The following TMEM117 variants were observed in gnomAD, a reference collection of about 807,000 sequenced individuals.
TMEM117 encodes transmembrane protein 117.
A neutral mutation model predicts 52.4 loss-of-function variants in TMEM117; 27 were observed. The observed-to-expected ratio is 0.51, with a 90% CI of 0.38 to 0.71. TMEM117 has a LOEUF of 0.71. TMEM117 is among the 30% of genes least tolerant of loss of function. The probability of loss-of-function intolerance (pLI) is 0.00; values close to 1 mark genes in which losing one functional copy is unlikely to be tolerated. For missense variants in TMEM117, 556 were observed against 630.5 expected (o/e 0.88, Z 1.26); for synonymous variants, 215 against 206.3 (o/e 1.04, Z -0.36).
At chr12:44,197,899 A>C (rs2138360403) in intron 4 of TMEM117, among the ~76,000 whole-genome samples, 1 of 152,342 alleles carries the variant, frequency 6.6e-6, no homozygotes. Context: ...AAGATGCATT[A>C]ATATTCATGC....
chr12:44,174,289 C>T (rs977760802), intron 4 of TMEM117, among the ~76,000 whole-genome samples: 10 of 152,122 alleles, frequency 6.6e-5, no homozygotes, highest in Non-Finnish European at 1.5e-5. Context: ...TACTGGAACA[C>T]AGCCACAATC....
rs1946346537 is a variant in TMEM117 at position 44,014,662 on chromosome 12, T to A, written c.410+70320T>A. ...ACAGGTGGTGTACTCTCTTGTACTA[T>A]ATGGTTAATCACCTAGATGTAGCAA... On this transcript the variant is annotated intron_variant, in intron 3 of 7. Coordinates refer to ENST00000266534, the MANE Select transcript of TMEM117 (RefSeq NM_032256.3). Among the ~76,000 whole-genome samples, 4 of 152,206 alleles carry A rather than the reference T, an allele frequency of 2.6e-5. No homozygotes were observed. In the South Asian group the frequency reaches 6.2e-4, roughly 24 times the overall value.
intron 6 of TMEM117, among the ~76,000 whole-genome samples, chr12:44,339,385 A>G (rs1379694323): frequency 6.6e-6 from 1 of 151,930 alleles, no homozygotes; most frequent in East Asian, 1.9e-4. Flanking sequence ...AACATCCACC[A>G]TATTATATTC....
chr12:44,175,293 G>A (rs928534781), intron 4 of TMEM117, among the ~76,000 whole-genome samples: 3 of 152,112 alleles, frequency 2.0e-5, no homozygotes, highest in Non-Finnish European at 2.9e-5. Context: ...TTGAGCTGGC[G>A]AGATTTCGTG....
At chr12:44,263,740 A>G (rs1201443287) in intron 5 of TMEM117, 1 of 152,222 alleles carries the variant, frequency 6.6e-6, no homozygotes, top group Non-Finnish European at 1.5e-5. Flanking sequence ...ATCTGCCATA[A>G]TAATGCTACA....
At chr12:44,138,709 G>A (rs1948527891) in intron 3 of TMEM117, among the ~76,000 whole-genome samples, 1 of 152,102 alleles carries the variant, frequency 6.6e-6, no homozygotes, top group South Asian at 2.1e-4. Flanking sequence ...CATTCCAGGG[G>A]ATCTTGCCCC....
chr12:44,048,956 T>A (rs60979741), intron 3 of TMEM117, among the ~76,000 whole-genome samples: 4,355 of 152,322 alleles, frequency 0.029, 138 homozygotes, highest in African/African-American at 0.077. Flanking sequence ...ACTACTTTTT[T>A]ATATTTATAT....
intron 4 of TMEM117, among the ~76,000 whole-genome samples, chr12:44,152,002 TATAATATATATTATATATTTA>T (rs1330435668): frequency 8.2e-6 from 1 of 122,518 alleles, no homozygotes; most frequent in Non-Finnish European, 1.6e-5. Context: ...TTATTATAAA[TATAATATATATTATATATTTA>T]AATATGTAAT....
chr12:44,172,747 C>T (rs1949064686), intron 4 of TMEM117, among the ~76,000 whole-genome samples: 2 of 152,022 alleles, frequency 1.3e-5, no homozygotes, highest in African/African-American at 2.4e-5. Context: ...TTTTTTGAGA[C>T]TGAGTTTCGC....
At position 44,242,922 on chromosome 12, in the gene TMEM117, C is replaced by T. The variant is rs117531745; in HGVS notation, c.608+31535C>T. ...CCTTTTTTGTGCAACCTCGTGAGCACGTGTTGTTTACTTTTTATTAACAGC... is the reference window on the plus strand; with the variant it reads ...CCTTTTTTGTGCAACCTCGTGAGCATGTGTTGTTTACTTTTTATTAACAGC... On this transcript the variant is annotated intron_variant, in intron 5 of 7. Transcript: ENST00000266534. Among the ~76,000 whole-genome samples, 360 of 151,656 alleles carry T rather than the reference C, an allele frequency of 2.4e-3. 12 individuals carry two copies. In the East Asian group the frequency reaches 0.034, roughly 15 times the overall value.
At chr12:43,901,969 A>T (rs964481152) in intron 2 of TMEM117, among the ~76,000 whole-genome samples, 2 of 152,214 alleles carry the variant, frequency 1.3e-5, no homozygotes, top group African/African-American at 4.8e-5. Context: ...ACATAGAGAA[A>T]ATGATAATGT....
chr12:43,877,386 C>G (rs1213230333), intron 2 of TMEM117, among the ~76,000 whole-genome samples: 1 of 152,054 alleles, frequency 6.6e-6, no homozygotes, highest in Non-Finnish European at 1.5e-5. Flanking sequence ...GTAATCCCAG[C>G]ACTTTGGGAC....
At chr12:43,939,004 T>TA (rs145819098) in intron 2 of TMEM117, among the ~76,000 whole-genome samples, 21,209 of 135,224 alleles carry the variant, frequency 0.16, 2,242 homozygotes, top group African/African-American at 0.32. Context: ...CGTCTCAAAA[T>TA]AAAAAAAAAA....
chr12:44,396,889 C>T, the TMEM117 span, among the ~76,000 whole-genome samples: 1 of 151,622 alleles, frequency 6.6e-6, no homozygotes, highest in African/African-American at 2.4e-5. Flanking sequence ...AGAATTGACT[C>T]ATTTATGTAG....
At chr12:44,186,433 T>C (rs529311042) in intron 4 of TMEM117, among the ~76,000 whole-genome samples, 67 of 152,300 alleles carry the variant, frequency 4.4e-4, no homozygotes, top group Non-Finnish European at 7.6e-4. Context: ...AAATTCTCTC[T>C]GAGCTGTTAA....
chr12:44,094,969 T>G (rs1328542353), intron 3 of TMEM117, among the ~76,000 whole-genome samples: 1 of 152,144 alleles, frequency 6.6e-6, no homozygotes, highest in African/African-American at 2.4e-5. Context: ...ATTTTTACAC[T>G]GGTAATGTGA....
At chr12:43,995,042 T>C (rs1347271408) in intron 3 of TMEM117, among the ~76,000 whole-genome samples, 2 of 152,086 alleles carry the variant, frequency 1.3e-5, no homozygotes, top group Non-Finnish European at 2.9e-5. Context: ...TTTGGGAGGC[T>C]GAGGCGGGTG....
chr12:43,938,403 T>C (rs1356563232), intron 2 of TMEM117, among the ~76,000 whole-genome samples: 1 of 151,844 alleles, frequency 6.6e-6, no homozygotes, highest in Non-Finnish European at 1.5e-5. Context: ...TCTCTAGAAG[T>C]GCTAGGGCAA....
intron 1 of TMEM117, among the ~76,000 whole-genome samples, chr12:43,842,374 A>G (rs1217739731): frequency 6.6e-6 from 1 of 152,172 alleles, no homozygotes; most frequent in South Asian, 2.1e-4. Context: ...GTTCACAAAG[A>G]TAACAAGGGA....
Sources: gnomAD v4.1 joint callset for allele counts (sites outside exome capture counted in the v4.1 genomes callset) on GRCh38, gnomAD v4.1.1 for gene constraint, MANE v1.5 for transcripts, NCBI Gene and HGNC (gene_info 2026-07-23, HGNC 2026-07-21) for gene names.